DIABLO: variants seen among roughly 807,000 people sequenced by gnomAD.
DIABLO encodes the protein diablo homolog, mitochondrial.
In DIABLO, 32 loss-of-function variants were observed where a neutral mutation model predicts 31.7. The observed-to-expected ratio is 1.01, with a 90% CI of 0.76 to 1.35. DIABLO has a LOEUF of 1.35. Ranked by LOEUF, DIABLO falls within the 40% of genes most tolerant of loss-of-function variation. The pLI, the probability that DIABLO is intolerant of heterozygous loss-of-function variation, is 0.00. For missense variants in DIABLO, 316 were observed against 286.4 expected (o/e 1.10, Z -0.75); for synonymous variants, 132 against 103.2 (o/e 1.28, Z -1.69).
intron 2 of DIABLO, chr12:122,218,731 G>T (rs1954269891): frequency 2.9e-6 from 1 of 349,124 alleles, no homozygotes; most frequent in Admixed American, 4.0e-5. Flanking sequence ...CACGAGGTCA[G>T]GAGATTGAGA....
chr12:122,222,606 A>G (rs897949352), intron 2 of DIABLO: 4 of 150,702 alleles, frequency 2.7e-5, no homozygotes, highest in Non-Finnish European at 5.9e-5. Context: ...TGGAATCTAG[A>G]GCAGTGGTCC....
intron 2 of DIABLO, among the ~76,000 whole-genome samples, chr12:122,224,230 A>G (rs960610118): frequency 2.0e-5 from 3 of 152,200 alleles, no homozygotes; most frequent in African/African-American, 7.2e-5. Context: ...AAGTTGCTCA[A>G]TAAATTTCTG....
chr12:122,209,613 T>C (rs1954031948), intron 5 of DIABLO: 2 of 611,196 alleles, frequency 3.3e-6, no homozygotes, highest in Non-Finnish European at 5.9e-6. Context: ...TGCAGTGAGC[T>C]GAGATCGCGC....
upstream of DIABLO, chr12:122,226,183 A>AAG (rs1251146604): frequency 9.2e-7 from 1 of 1,092,796 alleles, no homozygotes; most frequent in Non-Finnish European, 1.3e-6. Flanking sequence ...GCTTAGGGCA[A>AAG]AGGCTGTAAC....
rs1299845903 is a variant in DIABLO at position 122,208,463 on chromosome 12, A to G, written c.638T>C (p.Ile213Thr). ...KAETKLAEAQ[I>T]EELRQKTQEE... ...CTGTGTTTTCTGACGGAGCTCTTCT[A>G]TCTGTGCTTCTGCCAGCTTGGTTTC... The change falls in exon 6 of 6, where the codon ATA becomes ACA. Residue 213 changes from isoleucine to threonine, a missense_variant. Coordinates refer to ENST00000464942, the MANE Select transcript of DIABLO (RefSeq NM_001371333.1). The G allele has an allele frequency of 6.2e-7, 1 of 1,613,798 alleles. No individual in the cohort carries two copies. The highest frequency in any genetic ancestry group is 1.3e-5 in the African/African-American group (1 of 74,858).
At chr12:122,214,986 TGA>T (rs1954174645) in intron 5 of DIABLO, among the ~76,000 whole-genome samples, 1 of 152,208 alleles carries the variant, frequency 6.6e-6, no homozygotes, top group Non-Finnish European at 1.5e-5. Flanking sequence ...ATTATAGGCA[TGA>T]GCCACTGCAA....
In DIABLO at chr12:122,224,612, G is replaced by C; in HGVS notation, c.83C>G (p.Ala28Gly). The change falls in exon 2 of 6, where the codon GCT becomes GGT. Residue 28 changes from alanine to glycine, a missense_variant. Coordinates refer to ENST00000464942, the MANE Select transcript of DIABLO (RefSeq NM_001371333.1). ...TGAGAAACACCGCTTCTTAAAGTTA[G>C]CCACAACAGGAACACACAAACACTG... ...YRQCLCVPVV[A>G]NFKKRCFSEL... 6.2e-7 allele frequency: 1 copy of C among 1,614,066 alleles called. No individual in the cohort carries two copies. The highest frequency in any genetic ancestry group is 8.5e-7 in the Non-Finnish European group (1 of 1,180,016).
At chr12:122,217,924 A>G (rs1029970041) in intron 3 of DIABLO, 4 of 314,284 alleles carry the variant, frequency 1.3e-5, no homozygotes, top group Non-Finnish European at 6.1e-6. Context: ...TAACTGAACC[A>G]TATCAGCTTC....
chr12:122,222,720 T>C (rs1205572794), intron 2 of DIABLO, among the ~76,000 whole-genome samples: 1 of 152,118 alleles, frequency 6.6e-6, no homozygotes, highest in African/African-American at 2.4e-5. Flanking sequence ...CCTCAGATCA[T>C]GAGGCATTAG....
At chr12:122,218,205 G>C in intron 3 of DIABLO, 61 bp downstream of exon 3, 1 of 1,592,330 alleles carries the variant, frequency 6.3e-7, no homozygotes, top group Non-Finnish European at 8.6e-7. Flanking sequence ...ACACAATTTG[G>C]TTGTGAGCCA....
intron 5 of DIABLO, among the ~76,000 whole-genome samples, chr12:122,216,231 G>T (rs1954208784): frequency 6.6e-6 from 1 of 152,098 alleles, no homozygotes; most frequent in African/African-American, 2.4e-5. Flanking sequence ...TTTTCCAATG[G>T]TAATAGTTTT....
In DIABLO at chr12:122,224,532, A is replaced by G; in HGVS notation, c.163T>C (p.Cys55Arg). Residue 55 changes from cysteine to arginine, a missense_variant, in exon 2 of 6, where the codon TGT becomes CGT. Transcript: ENST00000464942. ...AGTACCTGTGCAATAGGAACCGCACACAGGGTTACTCCAAAGCCAATCGTC... is the reference window on the plus strand; with the variant it reads ...AGTACCTGTGCAATAGGAACCGCACGCAGGGTTACTCCAAAGCCAATCGTC... ...TVTIGFGVTL[C>R]AVPIAQKSEP... 1 of 1,613,874 alleles carries G rather than the reference A, an allele frequency of 6.2e-7. No individual in the cohort carries two copies. Among genetic ancestry groups the G allele is most frequent in the Non-Finnish European group, 8.5e-7 (1 of 1,179,988 alleles).
intron 5 of DIABLO, among the ~76,000 whole-genome samples, chr12:122,214,720 T>C (rs911864609): frequency 6.7e-6 from 1 of 149,622 alleles, no homozygotes; most frequent in Non-Finnish European, 1.5e-5. Context: ...TCCCAGTTTC[T>C]TTTTTTTTTC....
At chr12:122,209,439 G>A (rs879737759) in intron 5 of DIABLO, among the ~76,000 whole-genome samples, 2 of 152,132 alleles carry the variant, frequency 1.3e-5, no homozygotes, top group Admixed American at 6.5e-5. Context: ...CGAGGTGGGT[G>A]GACTGCCTGA....
chr12:122,225,788 C>T (rs1347790913), intron 1 of DIABLO, 177 bp downstream of exon 1: 1 of 1,455,064 alleles, frequency 6.9e-7, no homozygotes, highest in Admixed American at 2.5e-5. Flanking sequence ...GGGCTTGACC[C>T]AGGGGGCGGA....
intron 5 of DIABLO, among the ~76,000 whole-genome samples, chr12:122,213,507 GAA>G (rs368276624): frequency 4.4e-5 from 6 of 136,542 alleles, no homozygotes; most frequent in Admixed American, 3.7e-4. Flanking sequence ...TTGTCTCAGG[GAA>G]AAAAAAAAAA....
intron 5 of DIABLO, among the ~76,000 whole-genome samples, chr12:122,210,060 A>T (rs145132492): frequency 3.4e-4 from 51 of 152,142 alleles, no homozygotes; most frequent in African/African-American, 1.1e-3. Context: ...AAGGAGTCTC[A>T]CTCTATAGTT....
intron 2 of DIABLO, among the ~76,000 whole-genome samples, chr12:122,223,317 C>T (rs1423097827): frequency 6.6e-6 from 1 of 151,812 alleles, no homozygotes; most frequent in Non-Finnish European, 1.5e-5. Context: ...CCCCTGTAAT[C>T]CCAGCTACCC....
chr12:122,218,189 T>C, intron 3 of DIABLO, 77 bp downstream of exon 3: 1 of 1,519,320 alleles, frequency 6.6e-7, no homozygotes, highest in South Asian at 1.1e-5. Context: ...CCAACATGGG[T>C]ATCAGACACA....
Sources: allele counts gnomAD v4.1 joint callset (sites outside exome capture counted in the v4.1 genomes callset), GRCh38; gene constraint gnomAD v4.1.1; transcripts MANE v1.5; gene names NCBI Gene and HGNC (gene_info 2026-07-23, HGNC 2026-07-21).